Variants in GALNT18 observed in about 807,000 individuals in gnomAD.
The protein encoded by GALNT18 is GalNAc-transferase 18.
In GALNT18, 44 loss-of-function variants were observed where a neutral mutation model predicts 69.5. The ratio of observed to expected loss-of-function variants is 0.63; its 90% CI spans 0.50 to 0.81. GALNT18 has a LOEUF of 0.81. Ranked by LOEUF, GALNT18 falls within the 40% of genes least tolerant of loss-of-function variation. The pLI, the probability that GALNT18 is intolerant of heterozygous loss-of-function variation, is 0.00. For missense variants in GALNT18, 715 were observed against 810.0 expected (o/e 0.88, Z 1.42); for synonymous variants, 364 against 318.2 (o/e 1.14, Z -1.53).
chr11:11,565,011 C>T (rs986891814), intron 1 of GALNT18, among the ~76,000 whole-genome samples: 7 of 152,170 alleles, frequency 4.6e-5, no homozygotes, highest in South Asian at 2.1e-4. Context: ...AGGTTAAACT[C>T]GGGGTGCCAG....
chr11:11,448,936 T>C lies in GALNT18; in HGVS notation c.236A>G (p.Glu79Gly). ...TGCCTCCTCAGGCTTGGCAGGAGCC[T>C]CTGGAGAAAGAAGGAACAGGAGACA... ...LENVIKQHIQ[E>G]APAKPEEAEA... Residue 79 changes from glutamate (E) to glycine (G), a missense_variant and splice_region_variant, in exon 2 of 11, where the codon GAG becomes GGG. Glu to Gly is a moderately conservative substitution (Grantham distance 98). Transcript: ENST00000227756. The C allele has an allele frequency of 6.3e-7, 1 of 1,579,034 alleles. No homozygotes were observed. The highest frequency in any genetic ancestry group is 1.2e-5 in the South Asian group (1 of 86,550).
In GALNT18 at chr11:11,337,602, G is replaced by T. The variant is rs1850135273; in HGVS notation, c.1278+3217C>A. Among the ~76,000 whole-genome samples, 1 of 152,142 alleles carries T rather than the reference G, an allele frequency of 6.6e-6. No individual in the cohort carries two copies. Among genetic ancestry groups the T allele is most frequent in the Non-Finnish European group, 1.5e-5 (1 of 68,044 alleles). On this transcript the variant is annotated intron_variant, in intron 7 of 10. Coordinates refer to ENST00000227756, the MANE Select transcript of GALNT18 (RefSeq NM_198516.3). The surrounding 1 kb of genome is among the most constrained non-coding windows in gnomAD (Gnocchi z 4.9). ...GACAGAGAGATATTTAGGAGGGGGA[G>T]CTCTTCCCCCAGTTGGAGCTGGCTT...
intron 3 of GALNT18, among the ~76,000 whole-genome samples, chr11:11,381,360 T>C (rs1853913836): frequency 1.3e-5 from 2 of 152,166 alleles, no homozygotes; most frequent in South Asian, 2.1e-4. Context: ...AATGGCCTGA[T>C]ACAAATCCCC....
chr11:11,304,925 C>T (rs957273417), intron 9 of GALNT18, among the ~76,000 whole-genome samples: 1 of 152,168 alleles, frequency 6.6e-6, no homozygotes, highest in Non-Finnish European at 1.5e-5. Flanking sequence ...TGATGACAAC[C>T]GAGGAGCATG....
chr11:11,431,288 T>C (rs1043206516), intron 3 of GALNT18, among the ~76,000 whole-genome samples: 31 of 151,548 alleles, frequency 2.0e-4, no homozygotes, highest in African/African-American at 6.6e-4. Flanking sequence ...CTAGGTGAAG[T>C]CCAGGGATAG....
chr11:11,517,027 G>T (rs1174285299), intron 1 of GALNT18, among the ~76,000 whole-genome samples: 1 of 152,196 alleles, frequency 6.6e-6, no homozygotes, highest in Non-Finnish European at 1.5e-5. Flanking sequence ...CTTATAAAAG[G>T]AATCCCAGAG....
chr11:11,609,595 G>T (rs1341320920), intron 1 of GALNT18, among the ~76,000 whole-genome samples: 1 of 152,160 alleles, frequency 6.6e-6, no homozygotes, highest in Non-Finnish European at 1.5e-5. Flanking sequence ...CCAAAAGAAG[G>T]CAGCGGTACA....
rs75613105 is a variant in GALNT18 at position 11,356,349 on chromosome 11, T to G, written c.1093-15345A>C. The stretch of plus-strand genomic sequence containing the variant: ...AACAATGTAATGGTGGCCAAGAAGC[T>G]ACCTTCCAGGGTCTGATACCGACCA... On this transcript the variant is annotated intron_variant, in intron 6 of 10. Coordinates refer to ENST00000227756, the MANE Select transcript of GALNT18 (RefSeq NM_198516.3). This position sits in a 1 kb window ranked among gnomAD's most constrained non-coding sequence, Gnocchi z 4.4. 0.065 allele frequency among the ~76,000 whole-genome samples: 9,967 copies of G among 152,172 alleles called. 561 individuals carry two copies. The highest frequency in any genetic ancestry group is 0.094 in the Non-Finnish European group (6,384 of 68,006).
rs576050585 is a variant in GALNT18 at position 11,539,479 on chromosome 11, C to A, written c.235+81880G>T. ...TCCTGAACACCTCGCTGCCCACAAC[C>A]TCCTGCAGGAAAACCACAGGCAAGG... is the stretch of plus-strand genomic sequence containing the variant. On this transcript the variant is annotated intron_variant, in intron 1 of 10. Transcript: ENST00000227756. Among the ~76,000 whole-genome samples, 6 of 152,336 alleles carry A rather than the reference C, an allele frequency of 3.9e-5. No individual in the cohort carries two copies. In the South Asian group the frequency reaches 1.0e-3, roughly 26 times the overall value.
intron 1 of GALNT18, among the ~76,000 whole-genome samples, chr11:11,593,479 G>C (rs1403607186): frequency 6.6e-6 from 1 of 152,206 alleles, no homozygotes; most frequent in Non-Finnish European, 1.5e-5. Context: ...AACAGACACT[G>C]ATGTTAACAA....
chr11:11,395,647 C>A (rs1323023637), intron 3 of GALNT18, among the ~76,000 whole-genome samples: 3 of 152,270 alleles, frequency 2.0e-5, no homozygotes, highest in South Asian at 4.1e-4. Flanking sequence ...ACCTAAAAAA[C>A]CACTTTCAAC....
At position 11,497,234 on chromosome 11, in the gene GALNT18, C is replaced by G. The variant is rs772682874; in HGVS notation, c.236-48298G>C. ...CACCCTCAACTGACCCTTGTCAGTC[C>G]CTCTACCAAAGCCTTGTGTCCTGTT... is the stretch of plus-strand genomic sequence containing the variant. On this transcript the variant is annotated intron_variant, in intron 1 of 10. Coordinates refer to ENST00000227756, the MANE Select transcript of GALNT18 (RefSeq NM_198516.3). The surrounding 1 kb of genome is among the most constrained non-coding windows in gnomAD (Gnocchi z 4.2). Among the ~76,000 whole-genome samples the G allele has an allele frequency of 6.6e-6, 1 of 151,276 alleles. No homozygotes were observed.
intron 1 of GALNT18, among the ~76,000 whole-genome samples, chr11:11,578,908 A>G (rs1000477471): frequency 1.2e-4 from 18 of 152,352 alleles, no homozygotes; most frequent in African/African-American, 3.8e-4. Context: ...GTCAGCAGCG[A>G]AGAACTTGAG....
intron 10 of GALNT18, among the ~76,000 whole-genome samples, chr11:11,272,034 C>G (rs1024632006): frequency 1.7e-4 from 26 of 152,156 alleles, no homozygotes; most frequent in African/African-American, 6.3e-4. Context: ...CTCTGAGTTA[C>G]CACCAAACTT....
rs750265 is a variant in GALNT18 at position 11,332,294 on chromosome 11, G to A, written c.1416+400C>T. 0.5 allele frequency among the ~76,000 whole-genome samples: 75,486 copies of A among 151,662 alleles called. 18,926 individuals are homozygous for A. Among genetic ancestry groups the A allele is most frequent in the Middle Eastern group, 0.54 (159 of 292 alleles). Reference sequence around the variant, plus strand: ...CTTCTCAGGGAGGCTCTGCATGCGAGTGGGAGGCATTAGCTCCTTGGTCAG... The same window carrying A: ...CTTCTCAGGGAGGCTCTGCATGCGAATGGGAGGCATTAGCTCCTTGGTCAG... On this transcript the variant is annotated intron_variant, in intron 8 of 10. Coordinates refer to ENST00000227756, the MANE Select transcript of GALNT18 (RefSeq NM_198516.3). This position sits in a 1 kb window ranked among gnomAD's most constrained non-coding sequence, Gnocchi z 4.3.
chr11:11,607,281 T>C (rs1175725009), intron 1 of GALNT18, among the ~76,000 whole-genome samples: 2 of 152,208 alleles, frequency 1.3e-5, no homozygotes, highest in Non-Finnish European at 2.9e-5. Flanking sequence ...GAAATAATTA[T>C]TTTTATTGTT....
rs1050498140 is a variant in GALNT18, at chr11:11,616,893, T to C, written c.235+4466A>G. Reference sequence around the variant, plus strand: ...TAAGAAAATTACTTTAAGTTCTAAGTGCTTTGCAAAGGTTTTATAAACGGT... The same window carrying C: ...TAAGAAAATTACTTTAAGTTCTAAGCGCTTTGCAAAGGTTTTATAAACGGT... On this transcript the variant is annotated intron_variant, in intron 1 of 10. Transcript: ENST00000227756. This position sits in a 1 kb window ranked among gnomAD's most constrained non-coding sequence, Gnocchi z 4.4. 1.3e-5 allele frequency among the ~76,000 whole-genome samples: 2 copies of C among 152,240 alleles called. No homozygotes were observed. Among genetic ancestry groups the C allele is most frequent in the African/African-American group, 4.8e-5 (2 of 41,452 alleles).
At position 11,415,803 on chromosome 11, in the gene GALNT18, G is replaced by A. The variant is rs1421572070; in HGVS notation, c.595+16818C>T. ...CAGGAGGGTGGGATTTGTTTTTCCT[G>A]CCACGTAGAATTCAGGAATTCAGCA... On this transcript the variant is annotated intron_variant, in intron 3 of 10. Coordinates refer to ENST00000227756, the MANE Select transcript of GALNT18 (RefSeq NM_198516.3). The surrounding 1 kb of genome is among the most constrained non-coding windows in gnomAD (Gnocchi z 4.1). Among the ~76,000 whole-genome samples, 1 of 152,094 alleles carries A rather than the reference G, an allele frequency of 6.6e-6. No individual in the cohort carries two copies. The highest frequency in any genetic ancestry group is 1.5e-5 in the Non-Finnish European group (1 of 68,046).
At chr11:11,353,014 G>C (rs777010180) in intron 6 of GALNT18, 2 of 1,614,030 alleles carry the variant, frequency 1.2e-6, no homozygotes, top group African/African-American at 2.7e-5. Flanking sequence ...TAGTCATCTT[G>C]ATTTCCCCAT....
Sources: allele counts gnomAD v4.1 joint callset (sites outside exome capture counted in the v4.1 genomes callset), GRCh38; gene constraint gnomAD v4.1.1; non-coding constraint Gnocchi (gnomAD v3.1); transcripts MANE v1.5; gene names NCBI Gene and HGNC (gene_info 2026-07-23, HGNC 2026-07-21).